BPIFA1: variants seen among roughly 807,000 people sequenced by gnomAD.
BPIFA1 encodes BPI fold-containing family A member 1.
BPIFA1 carries 24 observed loss-of-function variants against 25.1 expected under a neutral mutation model. That is an observed-to-expected ratio of 0.96 (90% CI 0.69 to 1.35). The LOEUF (loss-of-function observed/expected upper bound fraction) is 1.35, where lower values mean the gene tolerates loss of function less well. Ranked by LOEUF, BPIFA1 falls within the 40% of genes most tolerant of loss-of-function variation. BPIFA1 has a pLI of 0.00. For synonymous variants in BPIFA1, 139 were observed against 131.8 expected, an observed-to-expected ratio of 1.05 and a Z score of -0.37; for missense variants, 344 against 303.7, an observed-to-expected ratio of 1.13 and a Z score of -0.99.
chr20:33,239,619 G>T (rs1452918317), intron 3 of BPIFA1, among the ~76,000 whole-genome samples, 184 bp from the exon 4 acceptor site: 2 of 152,176 alleles, frequency 1.3e-5, no homozygotes, highest in Non-Finnish European at 2.9e-5. Context: ...CAGGGCAGAG[G>T]CTGGAAAAGA....
At chr20:33,238,293 T>C in intron 3 of BPIFA1, 79 bp downstream of exon 3, 1 of 836,454 alleles carries the variant, frequency 1.2e-6, no homozygotes. Context: ...GCAGTGACCC[T>C]GAAGCAGCGA....
intron 3 of BPIFA1, among the ~76,000 whole-genome samples, chr20:33,239,183 T>C (rs1978839481): frequency 6.6e-6 from 1 of 152,040 alleles, no homozygotes; most frequent in Non-Finnish European, 1.5e-5. Flanking sequence ...GGATGGATGG[T>C]TGGAAAGATA....
intron 4 of BPIFA1, 120 bp downstream of exon 4, chr20:33,240,030 T>C: frequency 2.2e-6 from 3 of 1,337,892 alleles, no homozygotes; most frequent in Non-Finnish European, 3.2e-6. Context: ...TTCAGCTCAT[T>C]TGCTGCTATG....
intron 5 of BPIFA1, among the ~76,000 whole-genome samples, chr20:33,240,686 G>T (rs1055389035): frequency 6.9e-6 from 1 of 144,134 alleles, no homozygotes; most frequent in Non-Finnish European, 1.5e-5. Flanking sequence ...TAGATAGATA[G>T]ATAAAGTAGT....
At chr20:33,239,031 T>C (rs1978830426) in intron 3 of BPIFA1, among the ~76,000 whole-genome samples, 1 of 151,814 alleles carries the variant, frequency 6.6e-6, no homozygotes, top group African/African-American at 2.4e-5. Context: ...ACAGAGAAAG[T>C]GTATTGTGAG....
intron 3 of BPIFA1, among the ~76,000 whole-genome samples, chr20:33,239,567 T>C (rs1388122429): frequency 6.6e-6 from 1 of 152,138 alleles, no homozygotes; most frequent in Non-Finnish European, 1.5e-5. Context: ...CCTCATAGAC[T>C]GGAGATAAGG....
chr20:33,240,337 G>A lies in BPIFA1; in HGVS notation c.533G>A (p.Gly178Asp), dbSNP rs1978901981. Residue 178 changes from glycine (G) to aspartate (D), a missense_variant, in exon 5 of 9, where the codon GGT becomes GAT. Coordinates refer to ENST00000354297, the MANE Select transcript of BPIFA1 (RefSeq NM_130852.3). The stretch of plus-strand genomic sequence containing the variant: ...CAGGAGAGGATCCACCTGGTCCTTG[G>A]TGACTGCACCCATTCCCCTGGAAGC... ...DKQERIHLVL[G>D]DCTHSPGSLQ... 1.2e-6 allele frequency: 2 copies of A among 1,614,130 alleles called. No individual in the cohort carries two copies. The highest frequency in any genetic ancestry group is 2.2e-5 in the East Asian group (1 of 44,884).
chr20:33,243,247 C>G lies in BPIFA1; in HGVS notation c.*175C>G, dbSNP rs1979072057. The G allele has an allele frequency of 6.6e-6, 1 of 152,360 alleles. No individual in the cohort carries two copies. The highest frequency in any genetic ancestry group is 1.5e-5 in the Non-Finnish European group (1 of 68,182). The allele number at this position is 152,360 out of a possible 1,614,324, so 9.4% of individuals were successfully genotyped here. A position where few individuals can be genotyped will look rare whatever the true frequency, so the allele number is the denominator to read the frequency against. On this transcript the variant is annotated 3_prime_UTR_variant, in exon 9 of 9. Coordinates refer to ENST00000354297, the MANE Select transcript of BPIFA1 (RefSeq NM_130852.3). ...CCGAGGAACCTGCCCCCTCTCCTTT[C>G]CCACCAGGCGTGTGTAACATCCCAT...
chr20:33,237,898 ATGTGTGTGTGTGTGTGTGTGTG>A (rs11468029), intron 2 of BPIFA1, 27 bp downstream of exon 2: 592 of 1,188,046 alleles, frequency 5.0e-4, no homozygotes, highest in Admixed American at 1.4e-3. Flanking sequence ...GTATGTGTGC[ATGTGTGTGTGTGTGTGTGTGTG>A]TGTGTGTGTG....
intron 3 of BPIFA1, among the ~76,000 whole-genome samples, chr20:33,239,172 T>C (rs73904647): frequency 0.018 from 2,797 of 152,238 alleles, 92 homozygotes; most frequent in African/African-American, 0.061. Flanking sequence ...GGTGTGATGA[T>C]GGATGGATGG....
intron 1 of BPIFA1, among the ~76,000 whole-genome samples, chr20:33,237,239 G>A (rs1175127878): frequency 6.6e-6 from 1 of 152,154 alleles, no homozygotes; most frequent in Non-Finnish European, 1.5e-5. Context: ...TACACAAGTG[G>A]GTTTCAAGAA....
rs1052480535 is a variant in BPIFA1 at position 33,242,521 on chromosome 20, G to A, written c.765G>A (p.Lys255=). The A allele has an allele frequency of 6.2e-6, 10 of 1,613,952 alleles. No individual in the cohort carries two copies. The highest frequency in any genetic ancestry group is 1.3e-5 in the African/African-American group (1 of 74,904). ...TCCACGGACTACAGTTTGTCATCAA[G>A]GTCTAAGCCTTCCAGGAAGGGGCTG... is the stretch of plus-strand genomic sequence containing the variant. ...MLIHGLQFVI[K]V is the part of the protein sequence containing the mutation. The change falls in exon 8 of 9, where the codon AAG becomes AAA. Residue 255 remains lysine, a synonymous_variant. Coordinates refer to ENST00000354297, the MANE Select transcript of BPIFA1 (RefSeq NM_130852.3).
Position 33,242,053 on chromosome 20 carries a change from C to G in BPIFA1, c.667-3C>G. 6.2e-7 allele frequency: 1 copy of G among 1,614,038 alleles called. No individual in the cohort carries two copies. The highest frequency in any genetic ancestry group is 8.5e-7 in the Non-Finnish European group (1 of 1,179,892). ...CCTAACTCTCCTCTCTGCCCCTGGC[C>G]AGGTGTGCCCTCTGGTCAATGAGGT... is the stretch of plus-strand genomic sequence containing the variant. On this transcript the variant is annotated splice_polypyrimidine_tract_variant and splice_region_variant and intron_variant, in intron 6 of 8. Coordinates refer to ENST00000354297, the MANE Select transcript of BPIFA1 (RefSeq NM_130852.3).
chr20:33,241,123 T>C (rs1158250414), intron 5 of BPIFA1, among the ~76,000 whole-genome samples: 1 of 152,250 alleles, frequency 6.6e-6, no homozygotes, highest in Non-Finnish European at 1.5e-5. Context: ...CATTCATTTA[T>C]GGACTCTGCA....
chr20:33,241,371 C>A lies in BPIFA1; in HGVS notation c.582-14C>A, dbSNP rs1353623978. 2.5e-6 allele frequency: 4 copies of A among 1,607,726 alleles called. No individual in the cohort carries two copies. Among genetic ancestry groups the A allele is most frequent in the Non-Finnish European group, 3.4e-6 (4 of 1,174,104 alleles). On this transcript the variant is annotated splice_polypyrimidine_tract_variant and intron_variant, in intron 5 of 8. Coordinates refer to ENST00000354297, the MANE Select transcript of BPIFA1 (RefSeq NM_130852.3). ...CTCCAGGTCCCTGCATCACCCATGA[C>A]TTTTCTCTTTCAGACTTGGCCCCCT...
intron 4 of BPIFA1, 107 bp downstream of exon 4, chr20:33,240,017 A>G: frequency 1.5e-6 from 2 of 1,369,620 alleles, no homozygotes; most frequent in South Asian, 2.5e-5. Flanking sequence ...CTGAGCCTCC[A>G]ACTTCAGCTC....
intron 5 of BPIFA1, among the ~76,000 whole-genome samples, chr20:33,240,821 T>G (rs762978524): frequency 6.6e-6 from 1 of 152,182 alleles, no homozygotes; most frequent in Non-Finnish European, 1.5e-5. Context: ...ACCTGGGTAG[T>G]GCTTCTCCAA....
At chr20:33,241,293 T>G (rs912849595) in intron 5 of BPIFA1, 92 bp from the exon 6 acceptor site, 6 of 1,183,416 alleles carry the variant, frequency 5.1e-6, no homozygotes, top group Non-Finnish European at 7.6e-6. Context: ...AGTGACTGAG[T>G]GTTGAGACTG....
At chr20:33,242,288 G>T (rs141847949) in intron 7 of BPIFA1, among the ~76,000 whole-genome samples, 169 bp downstream of exon 7, 2 of 152,200 alleles carry the variant, frequency 1.3e-5, no homozygotes, top group Admixed American at 1.3e-4. Context: ...GATAGACACC[G>T]TGTCTCCTGC....
Sources: gnomAD v4.1 joint callset for allele counts (sites outside exome capture counted in the v4.1 genomes callset) on GRCh38, gnomAD v4.1.1 for gene constraint, MANE v1.5 for transcripts, NCBI Gene and HGNC (gene_info 2026-07-23, HGNC 2026-07-21) for gene names.